Variants in CNTN5 observed in about 807,000 individuals in gnomAD.
CNTN5 encodes the protein contactin-5.
Under a neutral mutation model 129.1 loss-of-function variants are expected in CNTN5, and 77 were observed. The ratio of observed to expected loss-of-function variants is 0.60; its 90% CI spans 0.50 to 0.72. The LOEUF is 0.72. Ranked by LOEUF, CNTN5 falls within the 30% of genes least tolerant of loss-of-function variation. CNTN5 has a pLI of 0.00. For synonymous variants in CNTN5, 509 were observed against 465.6 expected (o/e 1.09, Z -1.20); for missense variants, 1,478 against 1,328.8 (o/e 1.11, Z -1.75).
At chr11:99,315,695 G>T (rs1865309500) in intron 1 of CNTN5, among the ~76,000 whole-genome samples, 2 of 149,402 alleles carry the variant, frequency 1.3e-5, no homozygotes, top group Non-Finnish European at 3.0e-5. Context: ...CATATAGAAA[G>T]TCTATATGGG....
intron 1 of CNTN5, among the ~76,000 whole-genome samples, chr11:99,296,436 T>C (rs1864394251): frequency 6.6e-6 from 1 of 152,220 alleles, no homozygotes; most frequent in Admixed American, 6.5e-5. Flanking sequence ...AAGCTTTCTT[T>C]ACCTGGTGAA....
chr11:99,328,373 C>T (rs1426403958), intron 2 of CNTN5, among the ~76,000 whole-genome samples: 2 of 152,070 alleles, frequency 1.3e-5, no homozygotes, highest in African/African-American at 2.4e-5. Flanking sequence ...TTCTTATCAT[C>T]AGGAAGGGAG....
chr11:100,042,050 C>T (rs1942407958), intron 9 of CNTN5, among the ~76,000 whole-genome samples: 1 of 152,140 alleles, frequency 6.6e-6, no homozygotes, highest in Admixed American at 6.5e-5. Context: ...ACAATGTGGT[C>T]CCCTGCCTCA....
intron 3 of CNTN5, among the ~76,000 whole-genome samples, chr11:99,574,211 C>T (rs371225870): frequency 9.2e-5 from 14 of 152,102 alleles, no homozygotes; most frequent in African/African-American, 3.1e-4. Flanking sequence ...CTGCTTCATC[C>T]ATGTCCCTGC....
At chr11:99,689,234 A>G in intron 3 of CNTN5, among the ~76,000 whole-genome samples, 1 of 152,114 alleles carries the variant, frequency 6.6e-6, no homozygotes, top group East Asian at 1.9e-4. Flanking sequence ...ACAAGGTAAA[A>G]GCATTCCTGA....
At chr11:99,419,744 T>C (rs539721547) in intron 2 of CNTN5, among the ~76,000 whole-genome samples, 2 of 152,256 alleles carry the variant, frequency 1.3e-5, no homozygotes, top group South Asian at 4.1e-4. Context: ...TCTGATGAAA[T>C]ACAAATTGGC....
chr11:99,082,883 G>A lies in CNTN5; in HGVS notation c.-210+61613G>A, dbSNP rs538991556. On this transcript the variant is annotated intron_variant, in intron 1 of 24. Transcript: ENST00000524871. Reference sequence around the variant, plus strand: ...TGACTTGGTATTTGTATGATTTCACGTAAGTAAAGTACATTTAAATAGCAT... The same window carrying A: ...TGACTTGGTATTTGTATGATTTCACATAAGTAAAGTACATTTAAATAGCAT... Among the ~76,000 whole-genome samples the A allele has an allele frequency of 3.9e-5, 6 of 152,202 alleles. No individual in the cohort carries two copies. In the South Asian group the frequency reaches 1.2e-3, roughly 32 times the overall value.
At chr11:100,350,493 C>A (rs1041208947) in intron 23 of CNTN5, among the ~76,000 whole-genome samples, 22 of 151,704 alleles carry the variant, frequency 1.5e-4, no homozygotes, top group Admixed American at 9.2e-4. Context: ...CTTCACTAAA[C>A]CCCTAGACAA....
At chr11:99,326,133 T>C (rs555320402) in intron 2 of CNTN5, among the ~76,000 whole-genome samples, 1 of 152,344 alleles carries the variant, frequency 6.6e-6, no homozygotes, top group South Asian at 2.1e-4. Flanking sequence ...TTAAAATGAA[T>C]ACTCTAAAAT....
chr11:99,791,211 C>A (rs772934289), intron 3 of CNTN5, among the ~76,000 whole-genome samples: 1 of 151,800 alleles, frequency 6.6e-6, no homozygotes, highest in South Asian at 2.1e-4. Flanking sequence ...GTCATGAACT[C>A]TTTCTCCATT....
At chr11:99,125,322 T>G (rs1334181024) in intron 1 of CNTN5, among the ~76,000 whole-genome samples, 1 of 148,494 alleles carries the variant, frequency 6.7e-6, no homozygotes, top group Non-Finnish European at 1.5e-5. Context: ...TCAATAAATG[T>G]CATTCATCAC....
At chr11:100,083,969 G>A (rs1373950024) in intron 13 of CNTN5, among the ~76,000 whole-genome samples, 1 of 152,026 alleles carries the variant, frequency 6.6e-6, no homozygotes, top group East Asian at 1.9e-4. Flanking sequence ...AGATAACACT[G>A]AGAAACTCAG....
At chr11:99,813,283 G>C (rs911269197) in intron 3 of CNTN5, among the ~76,000 whole-genome samples, 1 of 152,236 alleles carries the variant, frequency 6.6e-6, no homozygotes, top group African/African-American at 2.4e-5. Context: ...CTATTTCACT[G>C]AGCCTCTGAA....
At chr11:99,319,958 G>A (rs897410261) in intron 1 of CNTN5, among the ~76,000 whole-genome samples, 3 of 152,292 alleles carry the variant, frequency 2.0e-5, no homozygotes, top group Middle Eastern at 3.4e-3. Context: ...AGAATGAGAT[G>A]TCAGAAATGG....
At chr11:99,945,610 C>T (rs1037155950) in intron 7 of CNTN5, among the ~76,000 whole-genome samples, 1 of 151,568 alleles carries the variant, frequency 6.6e-6, no homozygotes, top group African/African-American at 2.4e-5. Context: ...AAATTTCCCA[C>T]AAAATCCTAC....
intron 2 of CNTN5, among the ~76,000 whole-genome samples, chr11:99,350,009 A>G (rs773686985): frequency 6.6e-6 from 1 of 152,218 alleles, no homozygotes; most frequent in Non-Finnish European, 1.5e-5. Flanking sequence ...GGTTGAAAAA[A>G]ATAAATGTGG....
intron 2 of CNTN5, among the ~76,000 whole-genome samples, chr11:99,412,167 C>T (rs1373321093): frequency 6.6e-6 from 1 of 151,980 alleles, no homozygotes; most frequent in Non-Finnish European, 1.5e-5. Context: ...TTTGAACTTT[C>T]TTAAGAAGGC....
At chr11:99,155,517 A>G (rs1265321908) in intron 1 of CNTN5, among the ~76,000 whole-genome samples, 1 of 152,184 alleles carries the variant, frequency 6.6e-6, no homozygotes, top group Admixed American at 6.5e-5. Context: ...ATTGATCATG[A>G]TGTTCCTATT....
At chr11:99,994,021 T>G (rs1939291418) in intron 8 of CNTN5, among the ~76,000 whole-genome samples, 1 of 152,132 alleles carries the variant, frequency 6.6e-6, no homozygotes, top group Non-Finnish European at 1.5e-5. Flanking sequence ...TAGCAACCTC[T>G]TGGGGCCAGA....
Sources: gnomAD v4.1 joint callset for allele counts (sites outside exome capture counted in the v4.1 genomes callset) on GRCh38, gnomAD v4.1.1 for gene constraint, MANE v1.5 for transcripts, NCBI Gene and HGNC (gene_info 2026-07-23, HGNC 2026-07-21) for gene names.